The following NAALADL2 variants were observed in gnomAD, a reference collection of about 807,000 sequenced individuals.
NAALADL2 encodes N-acetylated alpha-linked acidic dipeptidase like 2.
In NAALADL2, 76 loss-of-function variants were observed where a neutral mutation model predicts 87.2. The observed-to-expected ratio is 0.87, with a 90% CI of 0.72 to 1.05. The LOEUF (loss-of-function observed/expected upper bound fraction) is 1.05, where lower values mean the gene tolerates loss of function less well. Ranked by LOEUF, NAALADL2 falls within the 50% of genes least tolerant of loss-of-function variation. The pLI is 0.00. For synonymous variants in NAALADL2, 354 were observed against 331.0 expected (o/e 1.07, Z -0.75); for missense variants, 1,089 against 945.8 (o/e 1.15, Z -1.99).
chr3:174,650,435 A>G (rs544362959), intron 2 of NAALADL2, among the ~76,000 whole-genome samples: 1 of 152,250 alleles, frequency 6.6e-6, no homozygotes, highest in South Asian at 2.1e-4. Flanking sequence ...TATTGAAGGT[A>G]GTTTAACCCA....
chr3:174,882,768 C>CGTGTATATATACATAT (rs1459658340), intron 1 of NAALADL2, among the ~76,000 whole-genome samples: 1 of 131,350 alleles, frequency 7.6e-6, no homozygotes, highest in Admixed American at 8.2e-5. Context: ...TATATACACA[C>CGTGTATATATACATAT]GTGTATATAT....
intron 3 of NAALADL2, among the ~76,000 whole-genome samples, chr3:174,838,920 G>C (rs1723685588): frequency 6.6e-6 from 1 of 151,974 alleles, no homozygotes; most frequent in Non-Finnish European, 1.5e-5. Flanking sequence ...TGACCATACT[G>C]CCAAATACAA....
chr3:175,062,903 C>A (rs1174068287), intron 1 of NAALADL2, among the ~76,000 whole-genome samples: 1 of 152,138 alleles, frequency 6.6e-6, no homozygotes, highest in Non-Finnish European at 1.5e-5. Flanking sequence ...ATATATTAAA[C>A]TCCCCTTCCT....
chr3:174,532,873 G>A (rs534572004), intron 1 of NAALADL2, among the ~76,000 whole-genome samples: 87 of 151,896 alleles, frequency 5.7e-4, no homozygotes, highest in Non-Finnish European at 1.1e-3. Context: ...GATATGATGA[G>A]GTTTCTCTTT....
intron 2 of NAALADL2, among the ~76,000 whole-genome samples, chr3:175,132,162 G>A (rs1404467674): frequency 1.0e-4 from 12 of 117,462 alleles, no homozygotes; most frequent in South Asian, 2.9e-4. Flanking sequence ...CCTCCCGGAC[G>A]GGGCAGCTGG....
At chr3:175,614,600 T>A (rs982845103) in intron 10 of NAALADL2, among the ~76,000 whole-genome samples, 8 of 152,200 alleles carry the variant, frequency 5.3e-5, no homozygotes, top group Non-Finnish European at 1.2e-4. Flanking sequence ...AGCTATTATA[T>A]CTATAGAAAA....
intron 2 of NAALADL2, among the ~76,000 whole-genome samples, chr3:174,728,350 A>C (rs1732398822): frequency 6.6e-6 from 1 of 152,066 alleles, no homozygotes; most frequent in Non-Finnish European, 1.5e-5. Context: ...ATGGTAAGTC[A>C]CAAATTTGAA....
chr3:175,709,300 A>G (rs141164710), intron 11 of NAALADL2, among the ~76,000 whole-genome samples: 2 of 152,202 alleles, frequency 1.3e-5, no homozygotes, highest in Non-Finnish European at 2.9e-5. Context: ...TGTGTATGTC[A>G]TTGGACTGAC....
chr3:175,653,025 C>A (rs1393969034), intron 11 of NAALADL2, among the ~76,000 whole-genome samples: 2 of 151,968 alleles, frequency 1.3e-5, no homozygotes, highest in Non-Finnish European at 2.9e-5. Context: ...TACAATAAAG[C>A]AAGCTAGAGA....
At chr3:174,955,790 G>C (rs1470538871) in intron 1 of NAALADL2, among the ~76,000 whole-genome samples, 1 of 152,038 alleles carries the variant, frequency 6.6e-6, no homozygotes, top group African/African-American at 2.4e-5. Flanking sequence ...AAAGACAGAT[G>C]ATCAGGCTCT....
At chr3:175,337,929 T>C (rs1050568978) in intron 5 of NAALADL2, among the ~76,000 whole-genome samples, 1 of 152,204 alleles carries the variant, frequency 6.6e-6, no homozygotes, top group African/African-American at 2.4e-5. Flanking sequence ...CAAGTTAGTA[T>C]AACGAGTAAG....
At chr3:175,487,499 A>G (rs16825809) in intron 9 of NAALADL2, 7,915 of 456,524 alleles carry the variant, frequency 0.017, 494 homozygotes, top group African/African-American at 0.14. Context: ...CCATGAACTA[A>G]GAGCAGATTT....
intron 5 of NAALADL2, among the ~76,000 whole-genome samples, chr3:175,358,324 T>C (rs1371623799): frequency 6.6e-6 from 1 of 152,126 alleles, no homozygotes; most frequent in Non-Finnish European, 1.5e-5. Flanking sequence ...TTTATGTAAT[T>C]ATGATAGTAT....
intron 3 of NAALADL2, among the ~76,000 whole-genome samples, chr3:174,819,058 CTTTTT>C (rs3040106): frequency 6.3e-4 from 30 of 47,534 alleles, no homozygotes; most frequent in East Asian, 2.2e-3. Flanking sequence ...ACCATTTATT[CTTTTT>C]TTTTTTTTTT....
chr3:175,275,465 G>A (rs1290592475), intron 4 of NAALADL2, among the ~76,000 whole-genome samples: 1 of 123,288 alleles, frequency 8.1e-6, no homozygotes, highest in South Asian at 2.6e-4. Flanking sequence ...ACCATTTTAT[G>A]TAGTTGGGCG....
chr3:174,857,619 T>C (rs2109514425), upstream of NAALADL2, among the ~76,000 whole-genome samples: 1 of 152,308 alleles, frequency 6.6e-6, no homozygotes, highest in African/African-American at 2.4e-5. Flanking sequence ...TACAGTGTTT[T>C]ATTGGCAAAC....
chr3:175,386,316 TTC>T (rs1467649892), intron 5 of NAALADL2, among the ~76,000 whole-genome samples: 1 of 152,008 alleles, frequency 6.6e-6, no homozygotes, highest in Non-Finnish European at 1.5e-5. Context: ...TGTAGAGTTT[TTC>T]ACAGTACAGT....
chr3:175,582,115 A>G (rs1030574922), intron 10 of NAALADL2, among the ~76,000 whole-genome samples: 3 of 152,158 alleles, frequency 2.0e-5, no homozygotes, highest in African/African-American at 7.2e-5. Context: ...CCTTGATTGT[A>G]CAGTATATGA....
At chr3:175,204,707 C>T (rs929850310) in intron 2 of NAALADL2, among the ~76,000 whole-genome samples, 3 of 152,104 alleles carry the variant, frequency 2.0e-5, no homozygotes, top group Non-Finnish European at 2.9e-5. Context: ...AAGAACTTCT[C>T]CAGAAAGCTC....
Sources: allele counts gnomAD v4.1 joint callset (sites outside exome capture counted in the v4.1 genomes callset), GRCh38; gene constraint gnomAD v4.1.1; transcripts MANE v1.5; gene names NCBI Gene and HGNC (gene_info 2026-07-23, HGNC 2026-07-21).